Variants in CFAP210 observed in about 807,000 individuals in gnomAD.
The protein encoded by CFAP210 is cilia- and flagella- associated protein 210.
chr2:169,671,376 T>C, the CFAP210 span, among the ~76,000 whole-genome samples: 1 of 152,120 alleles, frequency 6.6e-6, no homozygotes, highest in Non-Finnish European at 1.5e-5. Context: ...ATACTCATTT[T>C]ACATGCTTCC....
the CFAP210 span, among the ~76,000 whole-genome samples, chr2:169,677,373 T>A: frequency 5.9e-4 from 90 of 152,334 alleles, no homozygotes; most frequent in African/African-American, 2.1e-3. Context: ...CCAATGGGGT[T>A]TTATCTTAGG....
the CFAP210 span, chr2:169,645,502 AATGGGGAGTGACTGCTTAATGAATGGGT>A: frequency 5.3e-6 from 1 of 188,062 alleles, no homozygotes; most frequent in East Asian, 1.3e-4. Flanking sequence ...GGGGAAGGGG[AATGGGGAGTGACTGCTTAATGAATGGGT>A]ATGGGGTTTC....
chr2:169,671,335 C>T, the CFAP210 span, among the ~76,000 whole-genome samples: 1 of 152,344 alleles, frequency 6.6e-6, no homozygotes, highest in South Asian at 2.1e-4. Context: ...GAACCAGTTT[C>T]TTCTGCAAAG....
At chr2:169,656,964 CAAAAAAAAA>C in the CFAP210 span, among the ~76,000 whole-genome samples, 1 of 40,330 alleles carries the variant, frequency 2.5e-5, no homozygotes, top group South Asian at 1.4e-3. Context: ...GACTCCATCT[CAAAAAAAAA>C]AAAAAAAAAA....
chr2:169,693,935 C>T, the CFAP210 span, among the ~76,000 whole-genome samples: 3 of 151,516 alleles, frequency 2.0e-5, no homozygotes, highest in African/African-American at 7.3e-5. Flanking sequence ...TTAACAAAAC[C>T]CAGACTCTCA....
chr2:169,687,545 C>A, the CFAP210 span, among the ~76,000 whole-genome samples: 18 of 152,190 alleles, frequency 1.2e-4, no homozygotes, highest in Admixed American at 1.3e-4. Flanking sequence ...AAATGATCTC[C>A]TTTGACTCTA....
At chr2:169,689,188 C>A in the CFAP210 span, among the ~76,000 whole-genome samples, 1 of 152,192 alleles carries the variant, frequency 6.6e-6, no homozygotes, top group Admixed American at 6.5e-5. Context: ...CCTCCCACAA[C>A]TCATGGGAAT....
the CFAP210 span, among the ~76,000 whole-genome samples, chr2:169,653,744 T>C: frequency 1.3e-5 from 2 of 152,190 alleles, no homozygotes; most frequent in East Asian, 1.9e-4. Flanking sequence ...ATTTGACTTT[T>C]AAATGGAGTT....
the CFAP210 span, among the ~76,000 whole-genome samples, chr2:169,693,557 A>G: frequency 6.6e-6 from 1 of 152,248 alleles, no homozygotes; most frequent in African/African-American, 2.4e-5. Context: ...CAAATTGCCA[A>G]AGTTCTAGTT....
At chr2:169,675,987 T>C in the CFAP210 span, among the ~76,000 whole-genome samples, 1 of 152,222 alleles carries the variant, frequency 6.6e-6, no homozygotes, top group Non-Finnish European at 1.5e-5. Context: ...CTATTATTTA[T>C]GTTAAAAGTT....
chr2:169,662,187 C>T, the CFAP210 span: 4 of 1,319,420 alleles, frequency 3.0e-6, no homozygotes, highest in Non-Finnish European at 4.2e-6. Flanking sequence ...ACCACATGTA[C>T]TCCATAAACA....
the CFAP210 span, chr2:169,645,988 G>A: frequency 6.2e-7 from 1 of 1,613,782 alleles, no homozygotes. Context: ...CTGGTCCACG[G>A]CCACCTCCAG....
At chr2:169,660,808 G>T in the CFAP210 span, 1 of 242,034 alleles carries the variant, frequency 4.1e-6, no homozygotes, top group Non-Finnish European at 8.2e-6. Flanking sequence ...CACCATGTTG[G>T]CCAGGCTGGT....
At chr2:169,661,625 C>T in the CFAP210 span, among the ~76,000 whole-genome samples, 1 of 152,200 alleles carries the variant, frequency 6.6e-6, no homozygotes, top group Admixed American at 6.5e-5. Context: ...TAAATCACCC[C>T]ATTCATTCCT....
the CFAP210 span, among the ~76,000 whole-genome samples, chr2:169,651,077 A>G: frequency 6.6e-6 from 1 of 151,148 alleles, no homozygotes; most frequent in South Asian, 2.1e-4. Context: ...AAATACAAAA[A>G]TTAGCCGGGC....
chr2:169,671,043 A>G, the CFAP210 span, among the ~76,000 whole-genome samples: 1 of 152,240 alleles, frequency 6.6e-6, no homozygotes, highest in Non-Finnish European at 1.5e-5. Context: ...TAAAATAATT[A>G]AAATACGGTC....
At chr2:169,682,389 A>G in the CFAP210 span, among the ~76,000 whole-genome samples, 2 of 152,104 alleles carry the variant, frequency 1.3e-5, no homozygotes, top group Non-Finnish European at 1.5e-5. Flanking sequence ...AACTTGCCCC[A>G]TTTACAACTT....
At chr2:169,684,692 C>T in the CFAP210 span, among the ~76,000 whole-genome samples, 6 of 152,136 alleles carry the variant, frequency 3.9e-5, no homozygotes, top group Non-Finnish European at 8.8e-5. Flanking sequence ...CTGTCTCCAT[C>T]GCCCAGGGTG....
the CFAP210 span, chr2:169,674,885 TTC>T: frequency 1.3e-6 from 2 of 1,518,296 alleles, no homozygotes; most frequent in Non-Finnish European, 1.8e-6. Flanking sequence ...TTTTCACTCT[TTC>T]TGTCTGGTAA....
Sources: allele counts gnomAD v4.1 joint callset (sites outside exome capture counted in the v4.1 genomes callset), GRCh38; gene constraint gnomAD v4.1.1; transcripts MANE v1.5; gene names NCBI Gene and HGNC (gene_info 2026-07-23, HGNC 2026-07-21).